The following RNF19A variants were observed in gnomAD, a reference collection of about 807,000 sequenced individuals.
The protein encoded by RNF19A is ring finger protein 19A, RBR E3 ubiquitin protein ligase.
RNF19A carries 32 observed loss-of-function variants against 75.7 expected under a neutral mutation model. The ratio of observed to expected loss-of-function variants is 0.42; its 90% CI spans 0.32 to 0.57. The LOEUF is 0.57. Among genes scored for constraint, RNF19A ranks in the 20% least tolerant of loss-of-function variants. The pLI is 0.10. For synonymous variants in RNF19A, 335 were observed against 345.2 expected (o/e 0.97, Z 0.33); for missense variants, 782 against 1,036.3 (o/e 0.75, Z 3.37).
chr8:100,301,606 C>G (rs1586675268), intron 1 of RNF19A, among the ~76,000 whole-genome samples: 1 of 152,266 alleles, frequency 6.6e-6, no homozygotes, highest in East Asian at 1.9e-4. Context: ...GTATTCTTTT[C>G]CATCTTCACT....
chr8:100,311,559 A>C (rs1005915100), upstream of RNF19A, among the ~76,000 whole-genome samples: 1 of 152,018 alleles, frequency 6.6e-6, no homozygotes, highest in Non-Finnish European at 1.5e-5. Flanking sequence ...TCTACTAAAA[A>C]TACAAAAAAT....
intron 1 of RNF19A, chr8:100,300,395 T>G (rs1032051099): frequency 6.6e-6 from 1 of 152,218 alleles, no homozygotes; most frequent in Admixed American, 6.5e-5. Context: ...GGCTCATGCT[T>G]GCAATCCCAG....
intron 1 of RNF19A, among the ~76,000 whole-genome samples, chr8:100,326,461 G>A (rs1010728192): frequency 2.0e-5 from 3 of 152,116 alleles, no homozygotes; most frequent in Non-Finnish European, 4.4e-5. Flanking sequence ...GCTGTATACT[G>A]TGCTGGGCAG....
chr8:100,278,041 C>T (rs541947771), intron 2 of RNF19A, among the ~76,000 whole-genome samples: 2 of 152,354 alleles, frequency 1.3e-5, no homozygotes, highest in African/African-American at 4.8e-5. Flanking sequence ...GTGGCCAGTT[C>T]AAATTCTACT....
At position 100,261,807 on chromosome 8, in the gene RNF19A, CCTT is replaced by C. The variant is rs748988655; in HGVS notation, c.1469-55_1469-53del. 1.3e-6 allele frequency: 2 copies of C among 1,548,924 alleles called. No individual in the cohort carries two copies. The highest frequency in any genetic ancestry group is 1.7e-4 in the Middle Eastern group (1 of 5,908). On this transcript the variant is annotated intron_variant, in intron 7 of 9. Transcript: ENST00000341084. This position sits in a 1 kb window ranked among gnomAD's most constrained non-coding sequence, Gnocchi z 4.4. ...AAGTAAGTATGATTATCAATTTTCT[CCTT>C]CTTAAATTCCTCCATGATTTCAGAG...
chr8:100,289,565 C>T (rs879258046), intron 1 of RNF19A, among the ~76,000 whole-genome samples: 1 of 152,112 alleles, frequency 6.6e-6, no homozygotes, highest in African/African-American at 2.4e-5. Flanking sequence ...CATCAGTCAT[C>T]AGGAAAAAAC....
At chr8:100,271,420 T>G (rs186520989) in intron 3 of RNF19A, among the ~76,000 whole-genome samples, 6 of 152,344 alleles carry the variant, frequency 3.9e-5, no homozygotes, top group African/African-American at 1.4e-4. Context: ...TATACTAAAT[T>G]AAGGAAATGC....
At position 100,269,090 on chromosome 8, in the gene RNF19A, CTAAGG is replaced by C. The variant is rs1183323116; in HGVS notation, c.1029-148_1029-144del. On this transcript the variant is annotated intron_variant, in intron 4 of 9. Transcript: ENST00000341084. The surrounding 1 kb of genome is among the most constrained non-coding windows in gnomAD (Gnocchi z 5.7). ...CCCTTTAAATTCTGAGTTCATTAAA[CTAAGG>C]TAAGAACCACTATAAATTATATTAA... is the stretch of plus-strand genomic sequence containing the variant. 2 of 456,472 alleles carry C rather than the reference CTAAGG, an allele frequency of 4.4e-6. No individual in the cohort carries two copies. The highest frequency in any genetic ancestry group is 4.1e-5 in the African/African-American group (2 of 49,208). 28.3% of individuals were successfully genotyped at this position (456,472 alleles called of 1,614,324 possible).
chr8:100,273,022 C>T (rs531133337), intron 3 of RNF19A, among the ~76,000 whole-genome samples: 4 of 152,210 alleles, frequency 2.6e-5, no homozygotes, highest in East Asian at 3.9e-4. Flanking sequence ...CCCATCACCA[C>T]GCCCGGCTAA....
At chr8:100,303,660 A>C (rs1821939255) in intron 1 of RNF19A, among the ~76,000 whole-genome samples, 1 of 151,762 alleles carries the variant, frequency 6.6e-6, no homozygotes, top group Admixed American at 6.6e-5. Context: ...GCAGTGGCTC[A>C]CGCCTGTAAT....
chr8:100,281,032 T>C (rs113021185), intron 2 of RNF19A, among the ~76,000 whole-genome samples: 1 of 152,194 alleles, frequency 6.6e-6, no homozygotes, highest in Non-Finnish European at 1.5e-5. Context: ...TAACTGAACA[T>C]CTCTGACTCA....
chr8:100,310,479 A>G (rs1822263106), upstream of RNF19A, among the ~76,000 whole-genome samples: 1 of 152,094 alleles, frequency 6.6e-6, no homozygotes, highest in Non-Finnish European at 1.5e-5. Flanking sequence ...GAGTTGCCAG[A>G]CTCGGCGACT....
intron 1 of RNF19A, among the ~76,000 whole-genome samples, chr8:100,298,424 A>G (rs926209138): frequency 6.6e-6 from 1 of 152,238 alleles, no homozygotes; most frequent in Non-Finnish European, 1.5e-5. Context: ...AACTACTTAT[A>G]AATGAGGGAG....
At chr8:100,293,759 CA>C (rs1337507759) in intron 1 of RNF19A, among the ~76,000 whole-genome samples, 3 of 152,158 alleles carry the variant, frequency 2.0e-5, no homozygotes, top group Non-Finnish European at 2.9e-5. Context: ...ATTTTTGTCC[CA>C]GGGGCAACTG....
At chr8:100,298,057 CATAGATT>C (rs1821652816) in intron 1 of RNF19A, among the ~76,000 whole-genome samples, 1 of 151,790 alleles carries the variant, frequency 6.6e-6, no homozygotes, top group Non-Finnish European at 1.5e-5. Context: ...ACCTACAGTC[CATAGATT>C]ATAAAGATTA....
intron 2 of RNF19A, among the ~76,000 whole-genome samples, chr8:100,280,014 T>C: frequency 6.6e-6 from 1 of 152,190 alleles, no homozygotes; most frequent in East Asian, 1.9e-4. Context: ...GATAGCTATC[T>C]TAAAGCACTG....
upstream of RNF19A, chr8:100,310,230 C>CGGGCGGCTCTGG: frequency 2.0e-6 from 2 of 985,280 alleles, no homozygotes; most frequent in Non-Finnish European, 2.4e-6. Flanking sequence ...GGGCCCGCTG[C>CGGGCGGCTCTGG]GGGCGGCTCT....
Position 100,260,136 on chromosome 8 carries a change from A to G in RNF19A, c.1683-139T>C, listed in dbSNP as rs1325659819. 1 of 736,266 alleles carries G rather than the reference A, an allele frequency of 1.4e-6. No homozygotes were observed. The highest frequency in any genetic ancestry group is 2.2e-6 in the Non-Finnish European group (1 of 458,568). 45.6% of individuals were successfully genotyped at this position (736,266 alleles called of 1,614,324 possible). On this transcript the variant is annotated intron_variant, in intron 8 of 9. Coordinates refer to ENST00000341084, the MANE Select transcript of RNF19A (RefSeq NM_183419.4). The surrounding 1 kb of genome is among the most constrained non-coding windows in gnomAD (Gnocchi z 4.1). ...CATTATTTTTTATTTCCTTTTATTT[A>G]ATTTAAATTCTACTGCAGCACACTG... is the stretch of plus-strand genomic sequence containing the variant.
rs750134657 is a variant in RNF19A at position 100,287,993 on chromosome 8, T to C, written c.182A>G (p.Lys61Arg). The change falls in exon 2 of 10, where the codon AAA becomes AGA. Residue 61 changes from lysine (K) to arginine (R), a missense_variant. Lys to Arg is a conservative substitution (Grantham distance 26). Around this residue, in one of 7 missense-constraint regions of RNF19A, gnomAD observed 148 missense variants for 147.9 expected, o/e 1.00. Transcript: ENST00000341084. The surrounding 1 kb of genome is among the most constrained non-coding windows in gnomAD (Gnocchi z 4.1). ...GGAGCCTATTGAAATTCTTCTTTTT[T>C]TGGGTGCCTTTTTGACTGAAGGCAA... ...VSLPSVKKAP[K>R]KRRISIGSLF... 1 of 1,614,078 alleles carries C rather than the reference T, an allele frequency of 6.2e-7. No individual in the cohort carries two copies. The highest frequency in any genetic ancestry group is 1.3e-5 in the African/African-American group (1 of 74,920).
Sources: gnomAD v4.1 joint callset for allele counts (sites outside exome capture counted in the v4.1 genomes callset) on GRCh38, gnomAD v4.1.1 for gene constraint, gnomAD v4.1.1 regional missense constraint, Gnocchi (gnomAD v3.1) non-coding constraint, MANE v1.5 for transcripts, NCBI Gene and HGNC (gene_info 2026-07-23, HGNC 2026-07-21) for gene names.